FNBP1: variants seen among roughly 807,000 people sequenced by gnomAD.
FNBP1 encodes formin binding protein 1.
Under a neutral mutation model 90.6 loss-of-function variants are expected in FNBP1, and 26 were observed. The observed-to-expected ratio is 0.29, with a 90% confidence interval of 0.21 to 0.40. FNBP1 has a LOEUF of 0.40. Ranked by LOEUF, FNBP1 falls within the 10% of genes least tolerant of loss-of-function variation. The probability of loss-of-function intolerance (pLI) is 1.00; values close to 1 mark genes in which losing one functional copy is unlikely to be tolerated. For missense variants in FNBP1, 635 were observed against 768.0 expected (o/e 0.83, Z 2.05); for synonymous variants, 260 against 265.2 (o/e 0.98, Z 0.19).
chr9:129,924,614 C>T (rs1002822321), intron 9 of FNBP1, among the ~76,000 whole-genome samples: 4 of 152,102 alleles, frequency 2.6e-5, no homozygotes, highest in African/African-American at 7.2e-5. Flanking sequence ...AGTAGATGTG[C>T]GGATAAAGTG....
rs2034950291 is a variant in FNBP1 at position 129,889,731 on chromosome 9, A to AAGT, written c.*805_*807dup. On this transcript the variant is annotated 3_prime_UTR_variant, in exon 17 of 17. Transcript: ENST00000446176. The stretch of plus-strand genomic sequence containing the variant: ...TGATCTACAGTTCTCAGGGACAGGA[A>AAGT]AGTGATGGGGAGGACAGGCGTGGGC... 1 of 232,172 alleles carries AAGT rather than the reference A, an allele frequency of 4.3e-6. No homozygotes were observed. The highest frequency in any genetic ancestry group is 8.5e-6 in the Non-Finnish European group (1 of 117,308). The allele number at this position is 232,172 out of a possible 1,614,324, so 14.4% of individuals were successfully genotyped here.
At chr9:129,939,209 T>C (rs2043955309) in intron 6 of FNBP1, among the ~76,000 whole-genome samples, 1 of 151,980 alleles carries the variant, frequency 6.6e-6, no homozygotes, top group Non-Finnish European at 1.5e-5. Context: ...ACCAATATGA[T>C]GAAACCCCGT....
At chr9:130,010,698 C>A (rs137875742) in intron 1 of FNBP1, among the ~76,000 whole-genome samples, 457 of 151,784 alleles carry the variant, frequency 3.0e-3, no homozygotes, top group Non-Finnish European at 4.5e-3. Context: ...ATTTCCCTGC[C>A]TCTGGACTCT....
chr9:129,946,085 C>G (rs2045243346), intron 6 of FNBP1, among the ~76,000 whole-genome samples: 1 of 152,142 alleles, frequency 6.6e-6, no homozygotes, highest in Non-Finnish European at 1.5e-5. Flanking sequence ...ACGAGAATCA[C>G]TTGAACCCAG....
At chr9:130,011,225 A>G (rs1356612443) in intron 1 of FNBP1, among the ~76,000 whole-genome samples, 4 of 64,508 alleles carry the variant, frequency 6.2e-5, no homozygotes, top group Admixed American at 4.0e-4. Flanking sequence ...CAAAAAAAAA[A>G]AAAAAAAAAA....
intron 1 of FNBP1, among the ~76,000 whole-genome samples, chr9:130,029,729 A>G (rs901705440): frequency 2.6e-5 from 4 of 152,256 alleles, no homozygotes; most frequent in Non-Finnish European, 4.4e-5. Context: ...CACACCTGTA[A>G]TCCCAGCACT....
rs954310662 is a variant in FNBP1 at position 130,041,941 on chromosome 9, T to A, written c.24+1011A>T. Among the ~76,000 whole-genome samples, 1 of 152,162 alleles carries A rather than the reference T, an allele frequency of 6.6e-6. No individual in the cohort carries two copies. Among genetic ancestry groups the A allele is most frequent in the African/African-American group, 2.4e-5 (1 of 41,430 alleles). ...ATTCCAAAAGGTAGTTCAGGCACTT[T>A]AGAGTTCATCCTGGGAAATGGCTCA... is the stretch of plus-strand genomic sequence containing the variant. On this transcript the variant is annotated intron_variant, in intron 1 of 16. Coordinates refer to ENST00000446176, the MANE Select transcript of FNBP1 (RefSeq NM_015033.3). The surrounding 1 kb of genome is among the most constrained non-coding windows in gnomAD (Gnocchi z 4.3).
At chr9:129,937,217 T>C (rs2043615176) in intron 6 of FNBP1, among the ~76,000 whole-genome samples, 1 of 151,976 alleles carries the variant, frequency 6.6e-6, no homozygotes, top group Non-Finnish European at 1.5e-5. Flanking sequence ...TACTCTAGTC[T>C]TTGACCCAAA....
At chr9:129,951,303 A>G (rs1193735105) in intron 6 of FNBP1, among the ~76,000 whole-genome samples, 1 of 152,034 alleles carries the variant, frequency 6.6e-6, no homozygotes, top group East Asian at 1.9e-4. Context: ...TATGTTGCCC[A>G]GGCTGGTCTT....
In FNBP1 at chr9:129,888,498, C is replaced by T. The variant is rs547152863; in HGVS notation, c.*2041G>A. 22 of 232,840 alleles carry T rather than the reference C, an allele frequency of 9.4e-5. No homozygotes were observed. Among genetic ancestry groups the T allele is most frequent in the African/African-American group, 1.5e-4 (7 of 45,434 alleles). 14.4% of individuals were successfully genotyped at this position (232,840 alleles called of 1,614,324 possible). A position where few individuals can be genotyped will look rare whatever the true frequency, so the allele number is the denominator to read the frequency against. ...CCCTGTGTCATCCGGGCTTGTCTTT[C>T]GTCTGTCAAGTCAGTCCTCCTGCGT... On this transcript the variant is annotated 3_prime_UTR_variant, in exon 17 of 17. Coordinates refer to ENST00000446176, the MANE Select transcript of FNBP1 (RefSeq NM_015033.3).
At chr9:129,958,680 T>A in intron 4 of FNBP1, 127 bp from the exon 5 acceptor site, 1 of 743,216 alleles carries the variant, frequency 1.3e-6, no homozygotes, top group Non-Finnish European at 2.2e-6. Context: ...TCCAAAGAAA[T>A]TTAAGAGTTG....
Position 129,889,706 on chromosome 9 carries a change from T to C in FNBP1, c.*833A>G, listed in dbSNP as rs1330425584. ...GGGGAGGGCCTCGCTCACAAGCGCA[T>C]GATCTACAGTTCTCAGGGACAGGAA... On this transcript the variant is annotated 3_prime_UTR_variant, in exon 17 of 17. Transcript: ENST00000446176. 2 of 231,574 alleles carry C rather than the reference T, an allele frequency of 8.6e-6. No homozygotes were observed. The highest frequency in any genetic ancestry group is 4.4e-5 in the African/African-American group (2 of 45,184). The allele number at this position is 231,574 out of a possible 1,614,324, so 14.3% of individuals were successfully genotyped here. A position where few individuals can be genotyped will look rare whatever the true frequency, so the allele number is the denominator to read the frequency against.
rs984293989 is a variant in FNBP1, at chr9:129,888,064, G to A, written c.*2475C>T. 9.5e-5 allele frequency: 22 copies of A among 232,714 alleles called. No homozygotes were observed. In the Admixed American group the frequency reaches 1.1e-3, roughly 12 times the overall value. 14.4% of individuals were successfully genotyped at this position (232,714 alleles called of 1,614,324 possible). A position where few individuals can be genotyped will look rare whatever the true frequency, so the allele number is the denominator to read the frequency against. On this transcript the variant is annotated 3_prime_UTR_variant, in exon 17 of 17. Coordinates refer to ENST00000446176, the MANE Select transcript of FNBP1 (RefSeq NM_015033.3). ...CCAGGTTCAACATTTAAGAGCACTC[G>A]CTATAACATTCTTTTTGGACGCAGG...
intron 15 of FNBP1, among the ~76,000 whole-genome samples, chr9:129,896,354 G>A (rs1564251372): frequency 1.3e-5 from 2 of 151,932 alleles, no homozygotes; most frequent in Admixed American, 1.3e-4. Flanking sequence ...TACCCTCGTG[G>A]CTCCAACTGC....
chr9:129,926,256 G>A (rs986486640), intron 8 of FNBP1, among the ~76,000 whole-genome samples: 4 of 152,192 alleles, frequency 2.6e-5, no homozygotes, highest in African/African-American at 9.6e-5. Flanking sequence ...ACAAATGTGA[G>A]CCACTGTGCC....
At chr9:129,939,047 G>A (rs1012440197) in intron 6 of FNBP1, among the ~76,000 whole-genome samples, 3 of 151,876 alleles carry the variant, frequency 2.0e-5, no homozygotes, top group Non-Finnish European at 2.9e-5. Context: ...GCATGATCTC[G>A]GCTCACTGCA....
chr9:129,946,516 C>A (rs999780866), intron 6 of FNBP1, among the ~76,000 whole-genome samples: 1 of 152,260 alleles, frequency 6.6e-6, no homozygotes, highest in African/African-American at 2.4e-5. Flanking sequence ...TTCTGGCCAT[C>A]CAGTACTCAG....
intron 4 of FNBP1, among the ~76,000 whole-genome samples, chr9:129,977,250 G>T (rs1003992586): frequency 3.3e-5 from 5 of 152,006 alleles, no homozygotes; most frequent in African/African-American, 1.2e-4. Context: ...GAAGTACAAT[G>T]ATACAGACCA....
chr9:129,959,819 C>T (rs1053206763), intron 4 of FNBP1, among the ~76,000 whole-genome samples: 3 of 152,016 alleles, frequency 2.0e-5, no homozygotes, highest in Non-Finnish European at 2.9e-5. Context: ...ACCCACTAGC[C>T]GTCACCCTCC....
Sources: allele counts gnomAD v4.1 joint callset (sites outside exome capture counted in the v4.1 genomes callset), GRCh38; gene constraint gnomAD v4.1.1; non-coding constraint Gnocchi (gnomAD v3.1); transcripts MANE v1.5; gene names NCBI Gene and HGNC (gene_info 2026-07-23, HGNC 2026-07-21).